TTC28: variants seen among roughly 807,000 people sequenced by gnomAD.
TTC28 encodes the protein tetratricopeptide repeat protein 28.
TTC28 carries 61 observed loss-of-function variants against 198.0 expected under a neutral mutation model. That is an observed-to-expected ratio of 0.31 (90% CI 0.25 to 0.38). The LOEUF (loss-of-function observed/expected upper bound fraction) is 0.38, where lower values mean the gene tolerates loss of function less well. Ranked by LOEUF, TTC28 falls within the 10% of genes least tolerant of loss-of-function variation. The pLI is 1.00. For synonymous variants in TTC28, 1,171 were observed against 1,297.8 expected (o/e 0.90, Z 2.10); for missense variants, 2,678 against 3,164.0 (o/e 0.85, Z 3.69).
At chr22:28,153,008 T>C (rs918931570) in intron 6 of TTC28, among the ~76,000 whole-genome samples, 12 of 152,144 alleles carry the variant, frequency 7.9e-5, no homozygotes, top group African/African-American at 2.9e-4. Flanking sequence ...ATAAACTCTA[T>C]TTAGGAATAA....
At chr22:28,670,732 A>C (rs1324266400) in intron 1 of TTC28, among the ~76,000 whole-genome samples, 1 of 127,874 alleles carries the variant, frequency 7.8e-6, no homozygotes, top group Non-Finnish European at 1.7e-5. Context: ...TATGAGTGGA[A>C]TTACTGGGCC....
At chr22:28,444,316 G>C (rs578203614) in intron 2 of TTC28, among the ~76,000 whole-genome samples, 3 of 152,214 alleles carry the variant, frequency 2.0e-5, no homozygotes, top group South Asian at 2.1e-4. Flanking sequence ...ATTACCCTCA[G>C]ACTTCTGTAT....
intron 1 of TTC28, among the ~76,000 whole-genome samples, chr22:28,674,338 G>GT (rs1461538596): frequency 1.6e-5 from 2 of 128,698 alleles, no homozygotes; most frequent in African/African-American, 5.8e-5. Context: ...GGGTTTGTCT[G>GT]TTTTTTGTTT....
At chr22:28,079,368 A>T (rs980444168) in intron 12 of TTC28, among the ~76,000 whole-genome samples, 1 of 152,206 alleles carries the variant, frequency 6.6e-6, no homozygotes, top group Admixed American at 6.5e-5. Flanking sequence ...AATTTGTGAT[A>T]AAAACATATC....
intron 12 of TTC28, among the ~76,000 whole-genome samples, chr22:28,079,093 A>G (rs770517906): frequency 7.2e-5 from 11 of 152,184 alleles, no homozygotes; most frequent in Non-Finnish European, 1.5e-4. Flanking sequence ...GAGTCTAAAG[A>G]CCATCAGAAA....
chr22:28,444,038 C>T (rs1342769695), intron 2 of TTC28, among the ~76,000 whole-genome samples: 1 of 152,184 alleles, frequency 6.6e-6, no homozygotes, highest in Admixed American at 6.5e-5. Flanking sequence ...AAATTTAGCA[C>T]TAATTTCATT....
chr22:28,495,067 GA>G (rs2048434960), intron 2 of TTC28, among the ~76,000 whole-genome samples: 1 of 151,986 alleles, frequency 6.6e-6, no homozygotes, highest in African/African-American at 2.4e-5. Context: ...GGTGGAAAAT[GA>G]GAGAGATATG....
intron 2 of TTC28, among the ~76,000 whole-genome samples, chr22:28,571,264 C>T (rs2050056383): frequency 6.6e-6 from 1 of 152,164 alleles, no homozygotes; most frequent in Non-Finnish European, 1.5e-5. Context: ...TACATCATAA[C>T]TGAAGCTGTG....
At chr22:28,327,856 TA>T (rs533162451) in intron 2 of TTC28, among the ~76,000 whole-genome samples, 5 of 152,278 alleles carry the variant, frequency 3.3e-5, no homozygotes, top group East Asian at 1.9e-4. Flanking sequence ...TACTAGTCAT[TA>T]AATGTCTCCA....
At chr22:28,196,090 T>C (rs1925307204) in intron 5 of TTC28, among the ~76,000 whole-genome samples, 1 of 151,716 alleles carries the variant, frequency 6.6e-6, no homozygotes, top group Non-Finnish European at 1.5e-5. Context: ...AAAACAGAGA[T>C]ATAGACCAAT....
At chr22:28,456,359 C>A (rs2047859710) in intron 2 of TTC28, among the ~76,000 whole-genome samples, 1 of 151,966 alleles carries the variant, frequency 6.6e-6, no homozygotes. Context: ...TAAGAGGCTT[C>A]TTTTGGGGGG....
At chr22:28,199,969 T>A (rs1050736993) in intron 5 of TTC28, among the ~76,000 whole-genome samples, 1 of 152,084 alleles carries the variant, frequency 6.6e-6, no homozygotes, top group African/African-American at 2.4e-5. Context: ...ATAAAAACAT[T>A]AACAATAATT....
chr22:28,219,793 G>C lies in TTC28; in HGVS notation c.934-56194C>G, dbSNP rs146489261. Reference sequence around the variant, plus strand: ...TGAAACTGAGAGATTTGAAAAATGCGTTAGAAAATGTTTGTATTTTCTGCC... The same window carrying C: ...TGAAACTGAGAGATTTGAAAAATGCCTTAGAAAATGTTTGTATTTTCTGCC... On this transcript the variant is annotated intron_variant, in intron 5 of 22. Coordinates refer to ENST00000397906, the MANE Select transcript of TTC28 (RefSeq NM_001145418.2). Among the ~76,000 whole-genome samples, 72 of 152,258 alleles carry C rather than the reference G, an allele frequency of 4.7e-4. 2 individuals are homozygous for C. In the East Asian group the frequency reaches 0.011, roughly 23 times the overall value.
chr22:28,173,197 C>G (rs1569178785), intron 5 of TTC28, among the ~76,000 whole-genome samples: 1 of 152,170 alleles, frequency 6.6e-6, no homozygotes, highest in Non-Finnish European at 1.5e-5. Context: ...TGTGATGATA[C>G]TTATCAGCTA....
chr22:27,988,415 G>T (rs973262135), intron 21 of TTC28, among the ~76,000 whole-genome samples: 1 of 151,378 alleles, frequency 6.6e-6, no homozygotes, highest in Non-Finnish European at 1.5e-5. Context: ...AGCCTCCTGA[G>T]TAGCTGGGAC....
chr22:28,062,803 T>C (rs2146744443), intron 12 of TTC28, among the ~76,000 whole-genome samples: 2 of 152,338 alleles, frequency 1.3e-5, no homozygotes, highest in East Asian at 1.9e-4. Context: ...ACAAAATGCC[T>C]TATATTTTTA....
chr22:28,280,512 AT>A (rs2044564696), intron 5 of TTC28, among the ~76,000 whole-genome samples: 1 of 151,870 alleles, frequency 6.6e-6, no homozygotes, highest in African/African-American at 2.4e-5. Flanking sequence ...CTAATTTTGT[AT>A]TTTTAATAGA....
chr22:28,592,277 A>G (rs904223352), intron 2 of TTC28, among the ~76,000 whole-genome samples: 1 of 152,050 alleles, frequency 6.6e-6, no homozygotes, highest in African/African-American at 2.4e-5. Context: ...CTTGAACCCA[A>G]AAGTGTGAGG....
chr22:28,324,143 C>A (rs1243095607), intron 2 of TTC28, among the ~76,000 whole-genome samples: 1 of 152,042 alleles, frequency 6.6e-6, no homozygotes. Context: ...AAGAAAAGGA[C>A]ATTGATGAGC....
Sources: gnomAD v4.1 joint callset for allele counts (sites outside exome capture counted in the v4.1 genomes callset) on GRCh38, gnomAD v4.1.1 for gene constraint, MANE v1.5 for transcripts, NCBI Gene and HGNC (gene_info 2026-07-23, HGNC 2026-07-21) for gene names.